The following KLHL15 variants were observed in gnomAD, a reference collection of about 807,000 sequenced individuals.
KLHL15 encodes kelch-like protein 15.
In KLHL15, 1 loss-of-function variant was observed where a neutral mutation model predicts 29.3. The observed-to-expected ratio is 0.03, with a 90% CI of 0.01 to 0.16. The LOEUF is 0.16. Ranked by LOEUF, KLHL15 falls within the 10% of genes least tolerant of loss-of-function variation. KLHL15 has a pLI of 1.00. For synonymous variants in KLHL15, 212 were observed against 184.5 expected (o/e 1.15, Z -1.21); for missense variants, 215 against 478.5 (o/e 0.45, Z 5.14).
intron 3 of KLHL15, among the ~76,000 whole-genome samples, chrX:24,002,605 T>C (rs1010960949): frequency 1.2e-5 from 1 of 85,969 alleles, no homozygotes; most frequent in African/African-American, 5.6e-5. Flanking sequence ...TAGGCTATGT[T>C]TTTTTTTTTT....
Position 24,006,568 on chromosome X carries a change from G to A in KLHL15, c.126C>T (p.Phe42=), listed in dbSNP as rs1488091039. ...DVTLVIEDHQ[F]QAHKALLATQ... Reference sequence around the variant, plus strand: ...TGGCCAAGAGTGCTTTATGGGCCTGGAACTGATGATCTTCAATAACCAGAG... The same window carrying A: ...TGGCCAAGAGTGCTTTATGGGCCTGAAACTGATGATCTTCAATAACCAGAG... The change falls in exon 3 of 4, where the codon TTC becomes TTT. Residue 42 remains phenylalanine, a synonymous_variant. Transcript: ENST00000328046. The A allele has an allele frequency of 1.7e-6, 2 of 1,210,801 alleles. No individual in the cohort carries two copies. Among genetic ancestry groups the A allele is most frequent in the African/African-American group, 1.7e-5 (1 of 57,604 alleles).
intron 2 of KLHL15, among the ~76,000 whole-genome samples, chrX:24,014,069 A>T (rs927403829): frequency 9.4e-6 from 1 of 106,240 alleles, no homozygotes; most frequent in Non-Finnish European, 1.9e-5. Context: ...CAGCCTGAGA[A>T]ACATAGACCC....
At position 23,984,835 on chromosome X, in the gene KLHL15, G is replaced by C. The variant is rs1014736559; in HGVS notation, c.*3086C>G. 1 of 112,091 alleles carries C rather than the reference G, an allele frequency of 8.9e-6. No homozygotes were observed. The highest frequency in any genetic ancestry group is 3.2e-5 in the African/African-American group (1 of 30,935). The allele number at this position is 112,091 out of a possible 1,213,427, so 9.2% of individuals were successfully genotyped here. A position where few individuals can be genotyped will look rare whatever the true frequency, so the allele number is the denominator to read the frequency against. ...TACTATGACTCGAGCAGGCTTCCCAGAATGAGGTGTCCAAAGGTGCTGCTT... is the reference window on the plus strand; with the variant it reads ...TACTATGACTCGAGCAGGCTTCCCACAATGAGGTGTCCAAAGGTGCTGCTT... On this transcript the variant is annotated 3_prime_UTR_variant, in exon 4 of 4. Coordinates refer to ENST00000328046, the MANE Select transcript of KLHL15 (RefSeq NM_030624.3).
chrX:23,996,051 G>A (rs1430163803), intron 3 of KLHL15, among the ~76,000 whole-genome samples: 1 of 112,291 alleles, frequency 8.9e-6, no homozygotes, highest in Admixed American at 9.5e-5. Context: ...ACCCAGCCAC[G>A]AAATAATTTT....
intron 2 of KLHL15, among the ~76,000 whole-genome samples, chrX:24,011,832 G>A (rs779944558): frequency 9.0e-5 from 10 of 111,520 alleles, no homozygotes; most frequent in Non-Finnish European, 1.3e-4. Context: ...AAGTCTAAAA[G>A]GATAGAATGC....
At chrX:23,998,603 A>G (rs1929243954) in intron 3 of KLHL15, among the ~76,000 whole-genome samples, 1 of 111,764 alleles carries the variant, frequency 8.9e-6, no homozygotes. Context: ...TAAGTTCTAG[A>G]ATTCACAACT....
chrX:24,003,233 T>C (rs1298007856), intron 3 of KLHL15, among the ~76,000 whole-genome samples: 2 of 111,317 alleles, frequency 1.8e-5, no homozygotes, highest in East Asian at 5.6e-4. Context: ...TGTTTCCTTA[T>C]CTATAAAATG....
intron 2 of KLHL15, among the ~76,000 whole-genome samples, chrX:24,007,048 C>A (rs1025091093): frequency 2.7e-5 from 3 of 110,168 alleles, no homozygotes. Context: ...AAAAAAGTAG[C>A]TGGGCATGGT....
At chrX:23,994,288 A>G (rs756177189) in intron 3 of KLHL15, among the ~76,000 whole-genome samples, 12 of 111,872 alleles carry the variant, frequency 1.1e-4, no homozygotes, top group Admixed American at 2.9e-4. Context: ...AGTGGAAGTT[A>G]AGAGGGAGAT....
At chrX:23,994,264 T>C (rs10521917) in intron 3 of KLHL15, among the ~76,000 whole-genome samples, 24,928 of 110,533 alleles carry the variant, frequency 0.23, 3,306 homozygotes, top group African/African-American at 0.5. Flanking sequence ...TGGCAACTCT[T>C]TTCAGGACCA....
chrX:23,992,794 TAAAA>T (rs1360214171), intron 3 of KLHL15, among the ~76,000 whole-genome samples: 1 of 112,211 alleles, frequency 8.9e-6, no homozygotes, highest in Non-Finnish European at 1.9e-5. Flanking sequence ...ATTCAGATGT[TAAAA>T]AACCACTTAC....
chrX:23,993,590 A>T (rs1241405274), intron 3 of KLHL15, among the ~76,000 whole-genome samples: 1 of 111,127 alleles, frequency 9.0e-6, no homozygotes. Flanking sequence ...TTTGGGGGGT[A>T]GGGTGAGGTG....
At chrX:24,025,288 C>T (rs1929901380) in intron 1 of KLHL15, among the ~76,000 whole-genome samples, 1 of 109,053 alleles carries the variant, frequency 9.2e-6, no homozygotes, top group Non-Finnish European at 1.9e-5. Context: ...CTCTGGGCTT[C>T]TGCCCCGAAG....
At position 23,987,699 on chromosome X, in the gene KLHL15, T is replaced by C; in HGVS notation, c.*222A>G. On this transcript the variant is annotated 3_prime_UTR_variant, in exon 4 of 4. Coordinates refer to ENST00000328046, the MANE Select transcript of KLHL15 (RefSeq NM_030624.3). ...GTGGAGCATTCTATTCAACTGCTTC[T>C]GGAAGTAGTTTCAAGAGCTAGCACT... 1 of 353,003 alleles carries C rather than the reference T, an allele frequency of 2.8e-6. No individual in the cohort carries two copies. Among genetic ancestry groups the C allele is most frequent in the Non-Finnish European group, 4.9e-6 (1 of 204,708 alleles). 29.1% of individuals were successfully genotyped at this position (353,003 alleles called of 1,213,427 possible). A position where few individuals can be genotyped will look rare whatever the true frequency, so the allele number is the denominator to read the frequency against.
chrX:24,017,684 G>C (rs1238385512), intron 2 of KLHL15, among the ~76,000 whole-genome samples: 1 of 106,284 alleles, frequency 9.4e-6, no homozygotes, highest in African/African-American at 3.5e-5. Flanking sequence ...AGGAGGCTGA[G>C]GTCAGAGGAT....
rs755434778 is a variant in KLHL15 at position 24,023,371 on chromosome X, A to T, written c.-8+1486T>A. 3.0e-3 allele frequency among the ~76,000 whole-genome samples: 340 copies of T among 112,351 alleles called. 1 individual carries two copies. The highest frequency in any genetic ancestry group is 5.0e-3 in the Non-Finnish European group (268 of 53,314). On this transcript the variant is annotated intron_variant, in intron 2 of 3. Coordinates refer to ENST00000328046, the MANE Select transcript of KLHL15 (RefSeq NM_030624.3). Reference sequence around the variant, plus strand: ...AAGTAGGCTCTTCCTTTTACTATGTAAATCCTGCCCAACTTCTATTATTTT... The same window carrying T: ...AAGTAGGCTCTTCCTTTTACTATGTTAATCCTGCCCAACTTCTATTATTTT...
chrX:23,996,352 G>A (rs995530687), intron 3 of KLHL15, among the ~76,000 whole-genome samples: 2 of 112,029 alleles, frequency 1.8e-5, no homozygotes, highest in Non-Finnish European at 3.8e-5. Context: ...AGTTACTATC[G>A]TGGTGCTTTA....
intron 2 of KLHL15, among the ~76,000 whole-genome samples, chrX:24,024,344 C>T (rs894183780): frequency 2.7e-5 from 3 of 111,932 alleles, no homozygotes; most frequent in Non-Finnish European, 1.9e-5. Flanking sequence ...TAAAAAACGG[C>T]CTTGCATTCT....
At chrX:23,994,233 A>AC (rs1156521773) in intron 3 of KLHL15, among the ~76,000 whole-genome samples, 2 of 111,574 alleles carry the variant, frequency 1.8e-5, no homozygotes, top group African/African-American at 6.5e-5. Flanking sequence ...ATGTTTCAAC[A>AC]CAAGAGAAGA....
Sources: allele counts gnomAD v4.1 joint callset (sites outside exome capture counted in the v4.1 genomes callset), GRCh38; gene constraint gnomAD v4.1.1; transcripts MANE v1.5; gene names NCBI Gene and HGNC (gene_info 2026-07-23, HGNC 2026-07-21).